NKAIN3: variants seen among roughly 807,000 people sequenced by gnomAD.
The protein encoded by NKAIN3 is sodium/potassium transporting ATPase interacting 3, also known as sodium/potassium-transporting ATPase subunit beta-1-interacting protein 3.
A neutral mutation model predicts 30.2 loss-of-function variants in NKAIN3; 25 were observed. The ratio of observed to expected loss-of-function variants is 0.83; its 90% confidence interval spans 0.60 to 1.16. The LOEUF (loss-of-function observed/expected upper bound fraction) is 1.16. Among genes scored for constraint, NKAIN3 ranks in the 50% most tolerant of loss-of-function variants. The pLI is 0.00. For missense variants in NKAIN3, 225 were observed against 254.1 expected, an observed-to-expected ratio of 0.89 and a Z score of 0.78; for synonymous variants, 91 against 89.6, an observed-to-expected ratio of 1.02 and a Z score of -0.09.
At chr8:62,786,492 A>G (rs1817522774) in intron 4 of NKAIN3, among the ~76,000 whole-genome samples, 1 of 31,570 alleles carries the variant, frequency 3.2e-5, no homozygotes, top group African/African-American at 1.5e-4. Flanking sequence ...TCATCTCCTC[A>G]TATAAAGGAT....
intron 1 of NKAIN3, among the ~76,000 whole-genome samples, chr8:62,261,107 G>C (rs1812425948): frequency 1.3e-5 from 2 of 151,980 alleles, no homozygotes; most frequent in Non-Finnish European, 2.9e-5. Flanking sequence ...TCTTCATAAG[G>C]CCAGTTTTTT....
At chr8:62,566,087 G>A (rs1809742137) in intron 1 of NKAIN3, among the ~76,000 whole-genome samples, 1 of 152,030 alleles carries the variant, frequency 6.6e-6, no homozygotes, top group South Asian at 2.1e-4. Flanking sequence ...TATTTCAGAG[G>A]CACATCAGAT....
intron 4 of NKAIN3, among the ~76,000 whole-genome samples, chr8:62,789,454 A>G (rs912571765): frequency 3.3e-5 from 5 of 152,140 alleles, no homozygotes; most frequent in Admixed American, 6.6e-5. Context: ...GGGGTTTTCT[A>G]GATATACAAT....
chr8:62,713,651 C>A (rs1027201222), intron 3 of NKAIN3, among the ~76,000 whole-genome samples: 2 of 151,950 alleles, frequency 1.3e-5, no homozygotes, highest in African/African-American at 2.4e-5. Flanking sequence ...TAAAAAAGTC[C>A]CTTCAATAAA....
At chr8:62,329,071 C>T (rs975776697) in intron 1 of NKAIN3, among the ~76,000 whole-genome samples, 5 of 151,932 alleles carry the variant, frequency 3.3e-5, no homozygotes, top group Non-Finnish European at 5.9e-5. Flanking sequence ...GATCTAAAGC[C>T]TTCTGCCAAC....
At chr8:62,496,391 G>C (rs1412153953) in intron 1 of NKAIN3, among the ~76,000 whole-genome samples, 2 of 152,114 alleles carry the variant, frequency 1.3e-5, no homozygotes, top group Non-Finnish European at 2.9e-5. Context: ...TTATCTAAAT[G>C]ATGTTAAAAG....
At chr8:62,779,839 C>A (rs1440758090) in intron 4 of NKAIN3, among the ~76,000 whole-genome samples, 1 of 151,868 alleles carries the variant, frequency 6.6e-6, no homozygotes, top group Admixed American at 6.6e-5. Flanking sequence ...TAAACAACTA[C>A]ATCAAAAGAA....
chr8:62,435,940 A>G (rs1805159336), intron 1 of NKAIN3, among the ~76,000 whole-genome samples: 2 of 152,196 alleles, frequency 1.3e-5, no homozygotes, highest in Non-Finnish European at 2.9e-5. Flanking sequence ...AATATTCTAC[A>G]CAGTATGCCT....
chr8:62,362,818 A>T (rs1470932730), intron 1 of NKAIN3, among the ~76,000 whole-genome samples: 2 of 152,202 alleles, frequency 1.3e-5, no homozygotes, highest in Non-Finnish European at 2.9e-5. Flanking sequence ...AAAGAAAGTA[A>T]AGTGAGATAT....
At chr8:62,382,921 G>A (rs898667355) in intron 1 of NKAIN3, among the ~76,000 whole-genome samples, 37 of 152,068 alleles carry the variant, frequency 2.4e-4, no homozygotes, top group Admixed American at 2.4e-3. Context: ...CTACAATAAC[G>A]ATGGCCACTT....
Position 62,863,517 on chromosome 8 carries a change from T to C in NKAIN3, c.472-54936T>C, listed in dbSNP as rs890771444. 2.1e-6 allele frequency: 3 copies of C among 1,431,822 alleles called. No individual in the cohort carries two copies. In the African/African-American group the frequency reaches 4.2e-5, roughly 20 times the overall value. The allele number at this position is 1,431,822 out of a possible 1,614,324, so 88.7% of individuals were successfully genotyped here. ...GTACTGGGTGGGAGGCCTTGATAGT[T>C]GAACTTGATGATCCAGTTGAGGAGA... is the stretch of plus-strand genomic sequence containing the variant. On this transcript the variant is annotated intron_variant, in intron 4 of 6. Coordinates refer to ENST00000623646, the MANE Select transcript of NKAIN3 (RefSeq NM_001304533.3).
At chr8:62,416,317 C>T (rs1012991874) in intron 1 of NKAIN3, among the ~76,000 whole-genome samples, 2 of 152,112 alleles carry the variant, frequency 1.3e-5, no homozygotes, top group Non-Finnish European at 2.9e-5. Flanking sequence ...GGTGAAGAAG[C>T]CCTAGATGTT....
At chr8:62,893,562 A>G (rs557177123) in intron 4 of NKAIN3, among the ~76,000 whole-genome samples, 1 of 152,286 alleles carries the variant, frequency 6.6e-6, no homozygotes, top group Non-Finnish European at 1.5e-5. Flanking sequence ...AGTGTGTTAT[A>G]TTTGTTCCAG....
chr8:62,300,397 G>T (rs895578411), intron 1 of NKAIN3, among the ~76,000 whole-genome samples: 1 of 151,996 alleles, frequency 6.6e-6, no homozygotes, highest in Non-Finnish European at 1.5e-5. Flanking sequence ...TTAAATAAAG[G>T]TAGATCTAGA....
chr8:62,954,532 A>T (rs1045220151), intron 6 of NKAIN3, among the ~76,000 whole-genome samples: 13 of 152,208 alleles, frequency 8.5e-5, no homozygotes, highest in Admixed American at 2.0e-4. Flanking sequence ...CTTAGAGGAC[A>T]TGAAAGGAAG....
intron 1 of NKAIN3, among the ~76,000 whole-genome samples, chr8:62,491,456 C>G (rs1807062847): frequency 6.6e-6 from 1 of 152,122 alleles, no homozygotes; most frequent in African/African-American, 2.4e-5. Context: ...CTCAAACTAG[C>G]CCCCACATGT....
At chr8:62,382,381 G>A (rs1241065446) in intron 1 of NKAIN3, among the ~76,000 whole-genome samples, 1 of 152,116 alleles carries the variant, frequency 6.6e-6, no homozygotes, top group Admixed American at 6.6e-5. Flanking sequence ...GGTTGGTCTT[G>A]CTGTCTCAGA....
intron 3 of NKAIN3, among the ~76,000 whole-genome samples, chr8:62,652,208 A>C (rs2130333814): frequency 6.6e-6 from 1 of 152,298 alleles, no homozygotes; most frequent in African/African-American, 2.4e-5. Context: ...GAGAGGGCTT[A>C]AACTTTCAGA....
intron 1 of NKAIN3, among the ~76,000 whole-genome samples, chr8:62,332,099 G>A (rs1420942895): frequency 6.6e-6 from 1 of 152,094 alleles, no homozygotes; most frequent in Non-Finnish European, 1.5e-5. Flanking sequence ...CTTCAATAGA[G>A]CCTCATGACA....
Sources: allele counts gnomAD v4.1 joint callset (sites outside exome capture counted in the v4.1 genomes callset), GRCh38; gene constraint gnomAD v4.1.1; transcripts MANE v1.5; gene names NCBI Gene and HGNC (gene_info 2026-07-23, HGNC 2026-07-21).